Variants in MAF observed in about 807,000 individuals in gnomAD.
The protein encoded by MAF is MAF bZIP transcription factor.
In MAF, 10 loss-of-function variants were observed where a neutral mutation model predicts 22.0. The ratio of observed to expected loss-of-function variants is 0.45; its 90% confidence interval spans 0.28 to 0.77. The LOEUF (loss-of-function observed/expected upper bound fraction) is 0.77. Among genes scored for constraint, MAF ranks in the 30% least tolerant of loss-of-function variants. The pLI, the probability that MAF is intolerant of heterozygous loss-of-function variation, is 0.12. For missense variants in MAF, 544 were observed against 548.4 expected (o/e 0.99, Z 0.08); for synonymous variants, 337 against 255.8 (o/e 1.32, Z -3.03).
chr16:79,346,245 T>C, the MAF span, among the ~76,000 whole-genome samples: 2 of 148,372 alleles, frequency 1.3e-5, no homozygotes, highest in East Asian at 2.0e-4. Context: ...GTTCTCACTG[T>C]TCAATTCCCA....
chr16:79,426,891 A>T, the MAF span, among the ~76,000 whole-genome samples: 7 of 152,344 alleles, frequency 4.6e-5, no homozygotes, highest in South Asian at 1.4e-3. Context: ...GACATAAAAG[A>T]TAGGCAGGGC....
chr16:79,308,376 G>A, the MAF span, among the ~76,000 whole-genome samples: 1 of 152,118 alleles, frequency 6.6e-6, no homozygotes, highest in South Asian at 2.1e-4. Flanking sequence ...GTAGGAGTTT[G>A]GCCTCTGGGA....
At chr16:79,390,027 A>G in the MAF span, among the ~76,000 whole-genome samples, 1 of 149,990 alleles carries the variant, frequency 6.7e-6, no homozygotes, top group East Asian at 1.9e-4. Flanking sequence ...AAATCCTTAG[A>G]TTTTTCTCAT....
chr16:79,547,858 C>G, the MAF span, among the ~76,000 whole-genome samples: 5 of 151,136 alleles, frequency 3.3e-5, no homozygotes, highest in African/African-American at 1.2e-4. Flanking sequence ...CGTCTGCAAA[C>G]TATCTCCTTG....
At chr16:79,587,281 A>G (rs1256313719) in intron 1 of MAF, among the ~76,000 whole-genome samples, 1 of 152,118 alleles carries the variant, frequency 6.6e-6, no homozygotes, top group Admixed American at 6.5e-5. Context: ...TTTTTGCCAA[A>G]TATATAATTT....
chr16:79,331,166 G>A, the MAF span, among the ~76,000 whole-genome samples: 9 of 152,256 alleles, frequency 5.9e-5, no homozygotes, highest in African/African-American at 2.2e-4. Flanking sequence ...TTAACAAATA[G>A]AGCTAATGCA....
the MAF span, among the ~76,000 whole-genome samples, chr16:79,387,339 G>A: frequency 6.6e-6 from 1 of 152,184 alleles, no homozygotes; most frequent in Admixed American, 6.5e-5. Flanking sequence ...AAAGGGCCTA[G>A]GGAGACTGTG....
chr16:79,472,254 A>C, the MAF span, among the ~76,000 whole-genome samples: 2 of 152,208 alleles, frequency 1.3e-5, no homozygotes, highest in African/African-American at 4.8e-5. Flanking sequence ...AGACCCAGCA[A>C]TTCCACTCCT....
At chr16:79,225,805 A>C in the MAF span, among the ~76,000 whole-genome samples, 3 of 152,368 alleles carry the variant, frequency 2.0e-5, no homozygotes, top group Middle Eastern at 3.4e-3. Context: ...TCATTAGAGA[A>C]ATGCAAATCA....
chr16:79,377,843 T>C, the MAF span, among the ~76,000 whole-genome samples: 1 of 152,208 alleles, frequency 6.6e-6, no homozygotes, highest in African/African-American at 2.4e-5. Context: ...GTGGTAGATA[T>C]GCAGCATTAT....
chr16:79,562,063 A>C, the MAF span, among the ~76,000 whole-genome samples: 1 of 152,128 alleles, frequency 6.6e-6, no homozygotes, highest in Admixed American at 6.5e-5. Context: ...TCAGCGTTCT[A>C]ACACATTCCT....
the MAF span, among the ~76,000 whole-genome samples, chr16:79,267,555 G>A: frequency 5.9e-5 from 9 of 152,214 alleles, no homozygotes; most frequent in Admixed American, 2.6e-4. Context: ...GATAATGGCA[G>A]AATGGCTCAC....
the MAF span, among the ~76,000 whole-genome samples, chr16:79,480,962 T>C: frequency 1.3e-5 from 2 of 152,128 alleles, no homozygotes; most frequent in Non-Finnish European, 2.9e-5. Context: ...TGTGACACCA[T>C]CAAAAAAGCA....
At chr16:79,565,584 C>T in the MAF span, among the ~76,000 whole-genome samples, 1 of 152,036 alleles carries the variant, frequency 6.6e-6, no homozygotes, top group Non-Finnish European at 1.5e-5. Flanking sequence ...AGTGAGTTCT[C>T]ATGAGATCTG....
the MAF span, among the ~76,000 whole-genome samples, chr16:79,427,271 C>T: frequency 6.6e-6 from 1 of 152,174 alleles, no homozygotes; most frequent in African/African-American, 2.4e-5. Context: ...TTGGAAAGAG[C>T]CTGGTTCAGA....
the MAF span, among the ~76,000 whole-genome samples, chr16:79,396,631 T>A: frequency 2.0e-5 from 3 of 152,050 alleles, no homozygotes; most frequent in African/African-American, 7.2e-5. Flanking sequence ...TTAAAATGGG[T>A]CAATAATAGT....
the MAF span, among the ~76,000 whole-genome samples, chr16:79,532,338 T>C: frequency 6.6e-6 from 1 of 152,170 alleles, no homozygotes; most frequent in African/African-American, 2.4e-5. Flanking sequence ...GAGACAAATA[T>C]TTTATGCAAA....
At chr16:79,495,711 T>C in the MAF span, among the ~76,000 whole-genome samples, 1 of 152,176 alleles carries the variant, frequency 6.6e-6, no homozygotes, top group Non-Finnish European at 1.5e-5. Context: ...ATGCTCAAAA[T>C]TCTCCAGCTT....
At chr16:79,337,355 A>G in the MAF span, among the ~76,000 whole-genome samples, 1 of 152,264 alleles carries the variant, frequency 6.6e-6, no homozygotes, top group South Asian at 2.1e-4. Flanking sequence ...GCGGATCACC[A>G]GGTCTGGAGT....
Sources: allele counts gnomAD v4.1 joint callset (sites outside exome capture counted in the v4.1 genomes callset), GRCh38; gene constraint gnomAD v4.1.1; transcripts MANE v1.5; gene names NCBI Gene and HGNC (gene_info 2026-07-23, HGNC 2026-07-21).